Variants in TMEM45B observed in about 807,000 individuals in gnomAD.
The protein encoded by TMEM45B is transmembrane protein 45B.
Under a neutral mutation model 27.3 loss-of-function variants are expected in TMEM45B, and 29 were observed. The observed-to-expected ratio is 1.06, with a 90% CI of 0.79 to 1.45. The LOEUF is 1.45. Among genes scored for constraint, TMEM45B ranks in the 40% most tolerant of loss-of-function variants. The pLI is 0.00. For missense variants in TMEM45B, 348 were observed against 343.9 expected, an observed-to-expected ratio of 1.01 and a Z score of -0.09; for synonymous variants, 143 against 134.7, an observed-to-expected ratio of 1.06 and a Z score of -0.43.
intron 1 of TMEM45B, among the ~76,000 whole-genome samples, chr11:129,831,120 A>G (rs1373638196): frequency 6.6e-6 from 1 of 152,228 alleles, no homozygotes; most frequent in African/African-American, 2.4e-5. Flanking sequence ...ATAGGACTGT[A>G]TTAGAACTAT....
intron 1 of TMEM45B, among the ~76,000 whole-genome samples, chr11:129,832,796 C>A (rs1030501699): frequency 1.3e-5 from 2 of 151,898 alleles, no homozygotes; most frequent in Non-Finnish European, 2.9e-5. Context: ...GTACAGAGAA[C>A]CATCTTAGGG....
At chr11:129,831,414 A>C (rs1207380548) in intron 1 of TMEM45B, among the ~76,000 whole-genome samples, 1 of 152,212 alleles carries the variant, frequency 6.6e-6, no homozygotes, top group Non-Finnish European at 1.5e-5. Flanking sequence ...ACAGCTTACT[A>C]AGTGACTAAT....
chr11:129,834,060 C>T (rs930111829), intron 1 of TMEM45B, among the ~76,000 whole-genome samples: 1 of 152,190 alleles, frequency 6.6e-6, no homozygotes, highest in African/African-American at 2.4e-5. Flanking sequence ...TGGAACTAAA[C>T]AGTGAGTAAG....
chr11:129,825,994 T>TA (rs914083989), intron 1 of TMEM45B, among the ~76,000 whole-genome samples: 1 of 151,944 alleles, frequency 6.6e-6, no homozygotes, highest in Non-Finnish European at 1.5e-5. Flanking sequence ...TTTTGGTTTT[T>TA]TTTTTTGGTT....
chr11:129,852,681 G>T, intron 2 of TMEM45B, 21 bp downstream of exon 2: 1 of 1,584,528 alleles, frequency 6.3e-7, no homozygotes, highest in South Asian at 1.1e-5. Context: ...GGGTCATTTG[G>T]TCTAGGGAAT....
At chr11:129,851,025 C>T (rs922555133) in intron 1 of TMEM45B, among the ~76,000 whole-genome samples, 25 of 152,204 alleles carry the variant, frequency 1.6e-4, no homozygotes, top group African/African-American at 3.9e-4. Context: ...TCACACAATA[C>T]GCAGACTGGG....
intron 1 of TMEM45B, among the ~76,000 whole-genome samples, chr11:129,841,844 C>T (rs1393947066): frequency 3.3e-5 from 5 of 151,976 alleles, no homozygotes; most frequent in South Asian, 2.1e-4. Flanking sequence ...GTGATCCACC[C>T]GCCTCGGCCT....
intron 1 of TMEM45B, among the ~76,000 whole-genome samples, chr11:129,833,033 G>C (rs888904963): frequency 2.6e-5 from 4 of 152,020 alleles, no homozygotes; most frequent in African/African-American, 4.8e-5. Context: ...CCTGAGGTCA[G>C]GAGTTCGAGA....
At chr11:129,833,010 G>A (rs1947569778) in intron 1 of TMEM45B, among the ~76,000 whole-genome samples, 1 of 152,124 alleles carries the variant, frequency 6.6e-6, no homozygotes, top group Non-Finnish European at 1.5e-5. Context: ...GGGAGGCCGA[G>A]GCAGGCGGAT....
chr11:129,854,930 C>A, intron 3 of TMEM45B, 114 bp downstream of exon 3: 1 of 1,294,348 alleles, frequency 7.7e-7, no homozygotes, highest in Non-Finnish European at 1.1e-6. Flanking sequence ...CCCAGAAAAT[C>A]CACATCTCTG....
chr11:129,820,550 G>C (rs182233590), intron 1 of TMEM45B, among the ~76,000 whole-genome samples: 1 of 152,316 alleles, frequency 6.6e-6, no homozygotes, highest in Non-Finnish European at 1.5e-5. Context: ...ACCACTCTGA[G>C]AACTGCTGAT....
At chr11:129,857,167 T>C in intron 4 of TMEM45B, 146 bp from the exon 5 acceptor site, 1 of 929,966 alleles carries the variant, frequency 1.1e-6, no homozygotes, top group East Asian at 2.4e-5. Context: ...CATTTTTCTA[T>C]GTGAAAAGGC....
chr11:129,826,591 T>C (rs1190435812), intron 1 of TMEM45B, among the ~76,000 whole-genome samples: 2 of 146,172 alleles, frequency 1.4e-5, no homozygotes, highest in Non-Finnish European at 3.0e-5. Context: ...GCTATGTGTC[T>C]TGCTCAAGGT....
rs1203959115 is a variant in TMEM45B, at chr11:129,859,900, C to G, written c.*1215C>G. The G allele has an allele frequency of 6.6e-6, 1 of 152,460 alleles. No homozygotes were observed. Among genetic ancestry groups the G allele is most frequent in the Non-Finnish European group, 1.5e-5 (1 of 68,028 alleles). The allele number at this position is 152,460 out of a possible 1,614,324, so 9.4% of individuals were successfully genotyped here. A position where few individuals can be genotyped will look rare whatever the true frequency, so the allele number is the denominator to read the frequency against. ...CAGCACTGAAATGGCTGTAAGGACT[C>G]CTGAGATATGTGTCCAGCAAGGAGT... On this transcript the variant is annotated 3_prime_UTR_variant, in exon 6 of 6. Transcript: ENST00000281441.
At chr11:129,839,980 T>C (rs1947670118) in intron 1 of TMEM45B, among the ~76,000 whole-genome samples, 1 of 152,262 alleles carries the variant, frequency 6.6e-6, no homozygotes, top group Admixed American at 6.5e-5. Flanking sequence ...TTTATTTAAA[T>C]GTTTTTAATG....
Position 129,835,913 on chromosome 11 carries a change from T to C in TMEM45B, c.-8-16562T>C, listed in dbSNP as rs567887285. ...CAGGTGGATGACCTGAGATCAGGAG[T>C]TGGAGACCAGCCTGGGCAACATGGT... On this transcript the variant is annotated intron_variant, in intron 1 of 5. Coordinates refer to ENST00000281441, the MANE Select transcript of TMEM45B (RefSeq NM_138788.5). 4.6e-5 allele frequency among the ~76,000 whole-genome samples: 7 copies of C among 152,048 alleles called. No homozygotes were observed. In the East Asian group the frequency reaches 1.4e-3, roughly 29 times the overall value.
chr11:129,821,857 T>A (rs922224867), intron 1 of TMEM45B, among the ~76,000 whole-genome samples: 3 of 152,056 alleles, frequency 2.0e-5, no homozygotes, highest in African/African-American at 7.2e-5. Flanking sequence ...GGTGGGTTTT[T>A]TGGCGGGGTG....
At chr11:129,843,247 T>C (rs1270922634) in intron 1 of TMEM45B, among the ~76,000 whole-genome samples, 1 of 152,224 alleles carries the variant, frequency 6.6e-6, no homozygotes, top group Non-Finnish European at 1.5e-5. Flanking sequence ...GCCCAGCCTA[T>C]TTTAGACTTT....
chr11:129,852,806 G>GT, intron 2 of TMEM45B, 146 bp downstream of exon 2: 4 of 788,886 alleles, frequency 5.1e-6, no homozygotes, highest in Middle Eastern at 3.9e-4. Flanking sequence ...CTATTTTATC[G>GT]TAACATCCAT....
Sources: gnomAD v4.1 joint callset for allele counts (sites outside exome capture counted in the v4.1 genomes callset) on GRCh38, gnomAD v4.1.1 for gene constraint, MANE v1.5 for transcripts, NCBI Gene and HGNC (gene_info 2026-07-23, HGNC 2026-07-21) for gene names.